The following HEATR5A variants were observed in gnomAD, a reference collection of about 807,000 sequenced individuals.
The protein encoded by HEATR5A is HEAT repeat-containing protein 5A.
A neutral mutation model predicts 218.8 loss-of-function variants in HEATR5A; 178 were observed. The observed-to-expected ratio is 0.81, with a 90% CI of 0.72 to 0.92. The LOEUF (loss-of-function observed/expected upper bound fraction) is 0.92, where lower values mean the gene tolerates loss of function less well. Among genes scored for constraint, HEATR5A ranks in the 40% least tolerant of loss-of-function variants. The probability of loss-of-function intolerance (pLI) is 0.00; values close to 1 mark genes in which losing one functional copy is unlikely to be tolerated. For synonymous variants in HEATR5A, 864 were observed against 871.6 expected (o/e 0.99, Z 0.15); for missense variants, 2,420 against 2,418.9 (o/e 1.00, Z -0.01).
At chr14:31,335,341 C>T (rs1257995770) in intron 22 of HEATR5A, among the ~76,000 whole-genome samples, 2 of 151,840 alleles carry the variant, frequency 1.3e-5, no homozygotes, top group African/African-American at 4.8e-5. Context: ...CAAGTTGAAG[C>T]AAAAGTTTTT....
At chr14:31,393,233 G>A (rs191327721) in intron 6 of HEATR5A, among the ~76,000 whole-genome samples, 1 of 152,200 alleles carries the variant, frequency 6.6e-6, no homozygotes, top group Non-Finnish European at 1.5e-5. Flanking sequence ...CCATGGCTGG[G>A]GGGTGGTGGC....
At chr14:31,318,785 C>A (rs1054644004) in intron 25 of HEATR5A, among the ~76,000 whole-genome samples, 1 of 152,216 alleles carries the variant, frequency 6.6e-6, no homozygotes, top group Admixed American at 6.5e-5. Flanking sequence ...CTGTGCCCAG[C>A]CTCTCCCCAA....
At chr14:31,334,807 G>A (rs1394567303) in intron 22 of HEATR5A, among the ~76,000 whole-genome samples, 1 of 152,088 alleles carries the variant, frequency 6.6e-6, no homozygotes, top group East Asian at 1.9e-4. Context: ...TTAGCTGGGT[G>A]TGGTGGTGGG....
At chr14:31,378,024 T>G (rs962607078) in intron 11 of HEATR5A, among the ~76,000 whole-genome samples, 1 of 152,198 alleles carries the variant, frequency 6.6e-6, no homozygotes, top group African/African-American at 2.4e-5. Flanking sequence ...CAAAATGCAT[T>G]TATTAGGTAG....
intron 32 of HEATR5A, among the ~76,000 whole-genome samples, chr14:31,304,675 C>A (rs911290562): frequency 6.6e-5 from 10 of 152,186 alleles, no homozygotes; most frequent in Non-Finnish European, 1.2e-4. Context: ...CCTTGGCCTT[C>A]CAAAGTGCTG....
chr14:31,412,545 AT>A (rs1268767790), intron 1 of HEATR5A, among the ~76,000 whole-genome samples: 2 of 149,258 alleles, frequency 1.3e-5, no homozygotes, highest in Non-Finnish European at 3.0e-5. Flanking sequence ...AGACAAATAT[AT>A]GATGTTTTAA....
intron 23 of HEATR5A, among the ~76,000 whole-genome samples, chr14:31,325,411 C>G (rs965813059): frequency 6.6e-6 from 1 of 151,742 alleles, no homozygotes; most frequent in South Asian, 2.1e-4. Context: ...AATGTCATAA[C>G]TTTGTATAAC....
intron 5 of HEATR5A, among the ~76,000 whole-genome samples, chr14:31,394,717 C>A (rs2030588161): frequency 6.6e-6 from 1 of 152,158 alleles, no homozygotes; most frequent in Non-Finnish European, 1.5e-5. Flanking sequence ...ACTCAGGAGG[C>A]TGAGGCAGGA....
intron 22 of HEATR5A, among the ~76,000 whole-genome samples, chr14:31,335,973 CTTT>C (rs57556527): frequency 1.0e-4 from 14 of 138,086 alleles, no homozygotes; most frequent in African/African-American, 8.0e-5. Context: ...AGATAATTAC[CTTT>C]TTTTTTTTTT....
chr14:31,370,225 CA>C (rs572866314), intron 13 of HEATR5A, among the ~76,000 whole-genome samples: 1,122 of 106,982 alleles, frequency 0.01, 11 homozygotes, highest in Middle Eastern at 0.044. Context: ...GACTACGTCT[CA>C]AAAAAAAAAA....
In HEATR5A at chr14:31,385,859, C is replaced by G. The variant is rs139004102; in HGVS notation, c.1345+561G>C. Among the ~76,000 whole-genome samples, 1,372 of 152,220 alleles carry G rather than the reference C, an allele frequency of 9.0e-3. 14 individuals carry two copies. The highest frequency in any genetic ancestry group is 0.026 in the African/African-American group (1,061 of 41,518). ...TCTCGTGCCTCAGCCTCCCGAGTAGCTGGGAATACAGGCATGCGCCACCAT... is the reference window on the plus strand; with the variant it reads ...TCTCGTGCCTCAGCCTCCCGAGTAGGTGGGAATACAGGCATGCGCCACCAT... On this transcript the variant is annotated intron_variant, in intron 9 of 35. Coordinates refer to ENST00000543095, the MANE Select transcript of HEATR5A (RefSeq NM_015473.4).
At chr14:31,310,003 A>AT (rs1024833500) in intron 28 of HEATR5A, among the ~76,000 whole-genome samples, 27 of 152,072 alleles carry the variant, frequency 1.8e-4, no homozygotes, top group African/African-American at 5.1e-4. Flanking sequence ...GCGCCTGGCC[A>AT]TTTTTTTGCT....
intron 14 of HEATR5A, among the ~76,000 whole-genome samples, chr14:31,361,778 G>A (rs909637870): frequency 4.6e-5 from 7 of 151,880 alleles, no homozygotes; most frequent in East Asian, 1.9e-4. Flanking sequence ...CCAATCCTTC[G>A]GAAAACTAAG....
At chr14:31,322,059 G>A (rs1900124747) in intron 24 of HEATR5A, among the ~76,000 whole-genome samples, 1 of 152,168 alleles carries the variant, frequency 6.6e-6, no homozygotes, top group South Asian at 2.1e-4. Flanking sequence ...TCAGGTTGAA[G>A]CTAAGACATA....
chr14:31,388,746 T>C, intron 7 of HEATR5A, 99 bp downstream of exon 7: 1 of 883,976 alleles, frequency 1.1e-6, no homozygotes, highest in Non-Finnish European at 1.8e-6. Context: ...AGAGCATAAG[T>C]GTTGACCTTG....
chr14:31,394,400 T>C (rs535600560), intron 5 of HEATR5A, among the ~76,000 whole-genome samples, 174 bp from the exon 6 acceptor site: 1 of 152,264 alleles, frequency 6.6e-6, no homozygotes, highest in South Asian at 2.1e-4. Context: ...AAGATTATAT[T>C]ATAGAAGAGA....
intron 1 of HEATR5A, among the ~76,000 whole-genome samples, chr14:31,409,054 C>A (rs868015718): frequency 5.9e-4 from 26 of 44,384 alleles, no homozygotes; most frequent in South Asian, 2.3e-3. Flanking sequence ...GACTCCGTCT[C>A]AAAAAAAAAA....
At chr14:31,377,873 T>C (rs578000941) in intron 11 of HEATR5A, among the ~76,000 whole-genome samples, 1 of 152,234 alleles carries the variant, frequency 6.6e-6, no homozygotes, top group South Asian at 2.1e-4. Flanking sequence ...AACAAAGTAA[T>C]TAAACAAAAC....
chr14:31,323,847 G>GAT (rs57656564), intron 23 of HEATR5A, 43 bp from the exon 24 acceptor site: 111 of 969,564 alleles, frequency 1.1e-4, no homozygotes, highest in African/African-American at 3.7e-4. Context: ...TCAACTGAAA[G>GAT]ATATATATAT....
Sources: allele counts gnomAD v4.1 joint callset (sites outside exome capture counted in the v4.1 genomes callset), GRCh38; gene constraint gnomAD v4.1.1; transcripts MANE v1.5; gene names NCBI Gene and HGNC (gene_info 2026-07-23, HGNC 2026-07-21).